RAB3GAP1: variants seen among roughly 807,000 people sequenced by gnomAD.
RAB3GAP1 encodes rab3 GTPase-activating protein catalytic subunit.
RAB3GAP1 carries 86 observed loss-of-function variants against 130.7 expected under a neutral mutation model. The observed-to-expected ratio is 0.66, with a 90% CI of 0.55 to 0.79. The LOEUF is 0.79. Ranked by LOEUF, RAB3GAP1 falls within the 30% of genes least tolerant of loss-of-function variation. RAB3GAP1 has a pLI of 0.00. For missense variants in RAB3GAP1, 1,029 were observed against 1,169.4 expected, an observed-to-expected ratio of 0.88 and a Z score of 1.75; for synonymous variants, 367 against 401.7, an observed-to-expected ratio of 0.91 and a Z score of 1.03.
intron 19 of RAB3GAP1, among the ~76,000 whole-genome samples, chr2:135,158,056 TGAATTG>T (rs916520399): frequency 6.6e-6 from 1 of 152,032 alleles, no homozygotes; most frequent in Non-Finnish European, 1.5e-5. Context: ...GCAGTGGCAA[TGAATTG>T]GAATTGGAGG....
At chr2:135,056,310 C>T (rs1245706228) in intron 2 of RAB3GAP1, among the ~76,000 whole-genome samples, 1 of 152,148 alleles carries the variant, frequency 6.6e-6, no homozygotes, top group South Asian at 2.1e-4. Flanking sequence ...TCAACCAATT[C>T]TCCTGCATCA....
chr2:135,110,853 C>T (rs540589423), intron 5 of RAB3GAP1, among the ~76,000 whole-genome samples: 13 of 152,006 alleles, frequency 8.6e-5, no homozygotes, highest in African/African-American at 2.7e-4. Context: ...AGGGTGGTTA[C>T]GCAGATAAAT....
chr2:135,092,268 T>C (rs1450964377), intron 4 of RAB3GAP1, among the ~76,000 whole-genome samples: 1 of 152,148 alleles, frequency 6.6e-6, no homozygotes. Context: ...AGGTTCAACG[T>C]TCTGCCAATT....
chr2:135,103,462 A>G lies in RAB3GAP1; in HGVS notation c.363-9689A>G, dbSNP rs180673866. Among the ~76,000 whole-genome samples, 6 of 152,358 alleles carry G rather than the reference A, an allele frequency of 3.9e-5. No individual in the cohort carries two copies. In the East Asian group the frequency reaches 9.7e-4, roughly 25 times the overall value. On this transcript the variant is annotated intron_variant, in intron 5 of 23. Coordinates refer to ENST00000264158, the MANE Select transcript of RAB3GAP1 (RefSeq NM_012233.3). Reference sequence around the variant, plus strand: ...ACCTGTAAAGTGTTTTCATTCTTCCAAAAGTGAATGTTAAGAGGACTTCTT... The same window carrying G: ...ACCTGTAAAGTGTTTTCATTCTTCCGAAAGTGAATGTTAAGAGGACTTCTT...
In RAB3GAP1 at chr2:135,170,529, C is replaced by G. The variant is rs1573626533; in HGVS notation, c.*1748C>G. On this transcript the variant is annotated 3_prime_UTR_variant, in exon 24 of 24. Coordinates refer to ENST00000264158, the MANE Select transcript of RAB3GAP1 (RefSeq NM_012233.3). ...TACAGTACAAGCAATGAAGATAAAA[C>G]AGAAACCAAAACACACTCCCTTACA... 1 of 152,204 alleles carries G rather than the reference C, an allele frequency of 6.6e-6. No individual in the cohort carries two copies. The highest frequency in any genetic ancestry group is 2.4e-5 in the African/African-American group (1 of 41,448). 9.4% of individuals were successfully genotyped at this position (152,204 alleles called of 1,614,324 possible).
intron 3 of RAB3GAP1, among the ~76,000 whole-genome samples, chr2:135,069,220 C>CT (rs1200339823): frequency 1.3e-5 from 2 of 152,110 alleles, no homozygotes; most frequent in Admixed American, 1.3e-4. Flanking sequence ...GTCATGTTCC[C>CT]TTTGTATAAG....
intron 5 of RAB3GAP1, among the ~76,000 whole-genome samples, chr2:135,104,735 TA>T (rs1352368371): frequency 2.0e-5 from 3 of 150,422 alleles, no homozygotes; most frequent in Non-Finnish European, 4.4e-5. Flanking sequence ...AATAAATAAA[TA>T]AAATTAGCTG....
At chr2:135,090,502 G>C (rs1040743646) in intron 3 of RAB3GAP1, among the ~76,000 whole-genome samples, 1 of 152,130 alleles carries the variant, frequency 6.6e-6, no homozygotes, top group African/African-American at 2.4e-5. Flanking sequence ...TAAGTAAGGA[G>C]CTCTTTGGAA....
At chr2:135,114,463 G>A (rs1291897846) in intron 6 of RAB3GAP1, among the ~76,000 whole-genome samples, 1 of 152,168 alleles carries the variant, frequency 6.6e-6, no homozygotes, top group African/African-American at 2.4e-5. Context: ...TTAACTTGGG[G>A]ATATATTTGT....
chr2:135,108,024 G>A (rs1162245893), intron 5 of RAB3GAP1, among the ~76,000 whole-genome samples: 1 of 148,804 alleles, frequency 6.7e-6, no homozygotes, highest in South Asian at 2.1e-4. Flanking sequence ...AAGTGGTATG[G>A]TTTTATGATT....
intron 11 of RAB3GAP1, among the ~76,000 whole-genome samples, chr2:135,127,389 G>A (rs975870269): frequency 6.6e-6 from 1 of 151,862 alleles, no homozygotes; most frequent in Admixed American, 6.6e-5. Context: ...TGTCGCCCAG[G>A]CTGGAGTGCA....
intron 3 of RAB3GAP1, among the ~76,000 whole-genome samples, chr2:135,064,547 C>T (rs1255866207): frequency 1.3e-5 from 2 of 151,998 alleles, no homozygotes; most frequent in African/African-American, 4.8e-5. Flanking sequence ...GAAAAACTTC[C>T]AATTCTCTGA....
In RAB3GAP1 at chr2:135,118,323, C is replaced by G. The variant is rs988336762; in HGVS notation, c.649-2496C>G. 2.6e-5 allele frequency among the ~76,000 whole-genome samples: 4 copies of G among 152,120 alleles called. No individual in the cohort carries two copies. In the South Asian group the frequency reaches 6.2e-4, roughly 24 times the overall value. Reference sequence around the variant, plus strand: ...CAGTTTATCTCATCATCTGACAAACCTAAAACTTACTTTTCTGATAAGAAA... The same window carrying G: ...CAGTTTATCTCATCATCTGACAAACGTAAAACTTACTTTTCTGATAAGAAA... On this transcript the variant is annotated intron_variant, in intron 7 of 23. Coordinates refer to ENST00000264158, the MANE Select transcript of RAB3GAP1 (RefSeq NM_012233.3).
chr2:135,071,700 G>A (rs1689476643), intron 3 of RAB3GAP1, among the ~76,000 whole-genome samples: 1 of 152,164 alleles, frequency 6.6e-6, no homozygotes, highest in South Asian at 2.1e-4. Context: ...CCCCTTCCAT[G>A]TTGTTGTTTA....
intron 3 of RAB3GAP1, among the ~76,000 whole-genome samples, chr2:135,086,579 T>C (rs1179189192): frequency 6.6e-6 from 1 of 152,026 alleles, no homozygotes; most frequent in African/African-American, 2.4e-5. Flanking sequence ...TTCATTTTTT[T>C]TATTATCCTC....
Position 135,113,180 on chromosome 2 carries a change from C to T in RAB3GAP1, c.392C>T (p.Ala131Val), listed in dbSNP as rs771565464. The T allele has an allele frequency of 6.2e-6, 10 of 1,614,036 alleles. No individual in the cohort carries two copies. In the East Asian group the frequency reaches 6.7e-5, roughly 11 times the overall value. ...GGGCTACGTGAGTTCGTGGTGATTG[C>T]CCCTGCTGCACACAGTGACGCTGTT... Reference protein sequence around the residue: ...WYGLREFVVIAPAAHSDAVLS... With the variant: ...WYGLREFVVIVPAAHSDAVLS... The change falls in exon 6 of 24, where the codon GCC (alanine) becomes GTC (valine). Residue 131 changes from alanine to valine, a missense_variant. By Grantham distance (64) the Ala-to-Val change is moderately conservative. Coordinates refer to ENST00000264158, the MANE Select transcript of RAB3GAP1 (RefSeq NM_012233.3).
intron 5 of RAB3GAP1, among the ~76,000 whole-genome samples, chr2:135,099,989 G>A (rs914415467): frequency 2.0e-5 from 3 of 152,076 alleles, no homozygotes; most frequent in Admixed American, 1.3e-4. Context: ...CACAGTTATG[G>A]ATGATGATAT....
intron 2 of RAB3GAP1, among the ~76,000 whole-genome samples, chr2:135,057,132 A>G (rs1464894841): frequency 6.6e-6 from 1 of 152,150 alleles, no homozygotes; most frequent in Non-Finnish European, 1.5e-5. Context: ...TCTCTTTTTA[A>G]TAGGCCTTCT....
chr2:135,161,577 T>G (rs1692467163), intron 19 of RAB3GAP1, among the ~76,000 whole-genome samples: 1 of 152,214 alleles, frequency 6.6e-6, no homozygotes, highest in African/African-American at 2.4e-5. Flanking sequence ...TGGAAAAGCC[T>G]GGTAACATTC....
Sources: gnomAD v4.1 joint callset for allele counts (sites outside exome capture counted in the v4.1 genomes callset) on GRCh38, gnomAD v4.1.1 for gene constraint, MANE v1.5 for transcripts, NCBI Gene and HGNC (gene_info 2026-07-23, HGNC 2026-07-21) for gene names.